Variants in VRK2 observed in about 807,000 individuals in gnomAD.
VRK2 encodes the protein VRK serine/threonine kinase 2, also known as serine/threonine-protein kinase VRK2.
In VRK2, 60 loss-of-function variants were observed where a neutral mutation model predicts 57.6. The observed-to-expected ratio is 1.04, with a 90% confidence interval of 0.85 to 1.29. The LOEUF (loss-of-function observed/expected upper bound fraction) is 1.29. VRK2 is among the 50% of genes most tolerant of loss of function. VRK2 has a pLI of 0.00. For missense variants in VRK2, 705 were observed against 588.1 expected (o/e 1.20, Z -2.06); for synonymous variants, 231 against 199.2 (o/e 1.16, Z -1.35).
At chr2:58,103,160 T>C (rs1215299580) in intron 7 of VRK2, among the ~76,000 whole-genome samples, 1 of 150,976 alleles carries the variant, frequency 6.6e-6, no homozygotes, top group East Asian at 1.9e-4. Flanking sequence ...AAACATCACA[T>C]CTCAAAAAAA....
At chr2:57,954,296 T>G (rs1671515421) in intron 1 of VRK2, among the ~76,000 whole-genome samples, 1 of 152,140 alleles carries the variant, frequency 6.6e-6, no homozygotes, top group Non-Finnish European at 1.5e-5. Flanking sequence ...TGGATTTGAT[T>G]CTATTCAAAC....
rs1445853135 is a variant in VRK2 at position 58,131,730 on chromosome 2, G to C, written c.677-78G>C. The C allele has an allele frequency of 5.5e-6, 8 of 1,463,856 alleles. No homozygotes were observed. In the Admixed American group the frequency reaches 1.8e-4, roughly 32 times the overall value. The allele number at this position is 1,463,856 out of a possible 1,614,324, so 90.7% of individuals were successfully genotyped here. ...TTGGCTTTTTCATATTTCATCAGTA[G>C]TAGTTCAACCAAAGATTTCTCCATT... On this transcript the variant is annotated intron_variant, in intron 8 of 12. Transcript: ENST00000340157.
At chr2:58,019,522 T>G (rs890381432) in intron 1 of VRK2, among the ~76,000 whole-genome samples, 1 of 152,212 alleles carries the variant, frequency 6.6e-6, no homozygotes, top group Non-Finnish European at 1.5e-5. Context: ...AGTATGTAAC[T>G]TGATCCATCT....
intron 8 of VRK2, among the ~76,000 whole-genome samples, chr2:58,127,800 G>T (rs535267176): frequency 6.6e-6 from 1 of 152,054 alleles, no homozygotes; most frequent in African/African-American, 2.4e-5. Flanking sequence ...ATTTCCTACC[G>T]AACCCTGTTT....
Position 57,988,407 on chromosome 2 carries a change from A to T in VRK2, c.-438-37258A>T, listed in dbSNP as rs144453564. On this transcript the variant is annotated intron_variant, in intron 1 of 15. Transcript: ENST00000417641. ...GTGATGGCTAATTTTATGTGTCTAC[A>T]TGACTGAGCTAAGATGCCTAGATAG... Among the ~76,000 whole-genome samples, 299 of 152,310 alleles carry T rather than the reference A, an allele frequency of 2.0e-3. 2 individuals carry two copies. The highest frequency in any genetic ancestry group is 6.8e-3 in the African/African-American group (282 of 41,570).
chr2:58,127,321 A>G (rs1314552656), intron 8 of VRK2, among the ~76,000 whole-genome samples: 1 of 152,120 alleles, frequency 6.6e-6, no homozygotes, highest in Non-Finnish European at 1.5e-5. Context: ...CGCAATACTT[A>G]TGTCTTGGCC....
intron 12 of VRK2, among the ~76,000 whole-genome samples, chr2:58,149,986 TTTTTC>T (rs939198704): frequency 1.5e-5 from 2 of 135,356 alleles, no homozygotes; most frequent in African/African-American, 5.6e-5. Context: ...TGTAATTTTC[TTTTTC>T]TTTTCTTTTT....
chr2:58,029,460 T>G (rs748288113), intron 2 of VRK2, among the ~76,000 whole-genome samples: 1 of 152,150 alleles, frequency 6.6e-6, no homozygotes, highest in Non-Finnish European at 1.5e-5. Flanking sequence ...AAACAAGGTT[T>G]GACTTTTACA....
At chr2:58,136,091 C>T (rs1679967194) in intron 10 of VRK2, among the ~76,000 whole-genome samples, 1 of 152,146 alleles carries the variant, frequency 6.6e-6, no homozygotes, top group Admixed American at 6.5e-5. Flanking sequence ...AGAGTTAAGT[C>T]ATCTTAAACT....
chr2:57,997,325 G>C (rs1672955511), intron 1 of VRK2, among the ~76,000 whole-genome samples: 1 of 151,882 alleles, frequency 6.6e-6, no homozygotes, highest in Non-Finnish European at 1.5e-5. Context: ...ACCAATATTG[G>C]AGATGCCAAG....
Position 58,003,263 on chromosome 2 carries a change from T to G in VRK2, c.-438-22402T>G, listed in dbSNP as rs185865632. On this transcript the variant is annotated intron_variant, in intron 1 of 15. Coordinates refer to the VRK2 transcript ENST00000417641. ...GAAAATCCAACCAGAAATTCAAATT[T>G]AAAATGACAAAATATGGGTTCCATA... Among the ~76,000 whole-genome samples, 763 of 152,270 alleles carry G rather than the reference T, an allele frequency of 5.0e-3. 2 individuals carry two copies. The highest frequency in any genetic ancestry group is 0.018 in the African/African-American group (732 of 41,562).
chr2:58,086,467 A>C, intron 5 of VRK2, 41 bp downstream of exon 5: 2 of 1,510,132 alleles, frequency 1.3e-6, no homozygotes, highest in Non-Finnish European at 1.8e-6. Flanking sequence ...CTTTATAACT[A>C]TTCCTTATGT....
At chr2:58,014,233 G>A (rs930492374) in intron 1 of VRK2, among the ~76,000 whole-genome samples, 15 of 152,190 alleles carry the variant, frequency 9.9e-5, no homozygotes, top group African/African-American at 3.4e-4. Context: ...TATTCCTAAG[G>A]AGATAAATTA....
chr2:57,940,897 AG>A (rs1671073920), intron 1 of VRK2, among the ~76,000 whole-genome samples: 1 of 151,958 alleles, frequency 6.6e-6, no homozygotes, highest in African/African-American at 2.4e-5. Context: ...AAAAAAAAAA[AG>A]ACCCAAATAA....
chr2:58,111,030 T>C (rs1199779743), intron 7 of VRK2, among the ~76,000 whole-genome samples: 6 of 152,270 alleles, frequency 3.9e-5, no homozygotes, highest in Admixed American at 3.9e-4. Context: ...GGCCGCTTCT[T>C]TCTTGATGGG....
chr2:57,978,333 T>C (rs1672312011), intron 1 of VRK2, among the ~76,000 whole-genome samples: 1 of 151,148 alleles, frequency 6.6e-6, no homozygotes, highest in African/African-American at 2.5e-5. Flanking sequence ...CAGTAATTCC[T>C]ACAAATTCAC....
intron 1 of VRK2, among the ~76,000 whole-genome samples, chr2:57,995,326 T>C (rs1672891511): frequency 6.6e-6 from 1 of 152,204 alleles, no homozygotes; most frequent in South Asian, 2.1e-4. Context: ...TTGATTAATA[T>C]CACCACCAAT....
chr2:57,993,195 C>T (rs918754019), intron 1 of VRK2, among the ~76,000 whole-genome samples: 13 of 152,182 alleles, frequency 8.5e-5, no homozygotes, highest in African/African-American at 2.2e-4. Context: ...CAAAATTAAA[C>T]TCAGTCTTTC....
At position 58,088,456 on chromosome 2, in the gene VRK2, A is replaced by T; in HGVS notation, c.450+10A>T. ...ATTAGGTATCCGAATGGTAAGAATT[A>T]CTTATTTCGCATGCTCCATTTCCAA... On this transcript the variant is annotated intron_variant, in intron 6 of 12. Transcript: ENST00000340157. 6.3e-7 allele frequency: 1 copy of T among 1,575,636 alleles called. No individual in the cohort carries two copies. The highest frequency in any genetic ancestry group is 8.7e-7 in the Non-Finnish European group (1 of 1,147,468).
Sources: gnomAD v4.1 joint callset for allele counts (sites outside exome capture counted in the v4.1 genomes callset) on GRCh38, gnomAD v4.1.1 for gene constraint, MANE v1.5 for transcripts, NCBI Gene and HGNC (gene_info 2026-07-23, HGNC 2026-07-21) for gene names.